The following GRIP1 variants were observed in gnomAD, a reference collection of about 807,000 sequenced individuals.
GRIP1 encodes the protein glutamate receptor interacting protein 1.
GRIP1 carries 45 observed loss-of-function variants against 129.9 expected under a neutral mutation model. That is an observed-to-expected ratio of 0.35 (90% CI 0.27 to 0.44). The LOEUF is 0.44. GRIP1 is among the 20% of genes least tolerant of loss of function. The probability of loss-of-function intolerance (pLI) is 1.00; values close to 1 mark genes in which losing one functional copy is unlikely to be tolerated. For missense variants in GRIP1, 1,196 were observed against 1,396.8 expected (o/e 0.86, Z 2.29); for synonymous variants, 530 against 520.8 (o/e 1.02, Z -0.24).
intron 14 of GRIP1, among the ~76,000 whole-genome samples, chr12:66,429,339 C>G (rs949817257): frequency 6.6e-6 from 1 of 152,140 alleles, no homozygotes. Context: ...CCGTGTGTGT[C>G]TGAGAAGAGG....
At chr12:66,850,074 C>T (rs1330772920) in intron 1 of GRIP1, among the ~76,000 whole-genome samples, 1 of 152,078 alleles carries the variant, frequency 6.6e-6, no homozygotes, top group Admixed American at 6.6e-5. Context: ...CACTTTATAA[C>T]CCAGAGCACA....
At chr12:66,532,069 T>G (rs1347881505) in intron 4 of GRIP1, among the ~76,000 whole-genome samples, 2 of 152,216 alleles carry the variant, frequency 1.3e-5, no homozygotes, top group Admixed American at 6.5e-5. Context: ...CAATCAAATT[T>G]AAAGTCAATA....
intron 1 of GRIP1, among the ~76,000 whole-genome samples, chr12:66,743,584 T>C (rs1022203987): frequency 8.1e-6 from 1 of 124,020 alleles, no homozygotes; most frequent in South Asian, 2.9e-4. Context: ...ATAACGTAAA[T>C]AGGCTTTTTT....
At chr12:66,609,704 T>C (rs1429045932) in intron 1 of GRIP1, among the ~76,000 whole-genome samples, 1 of 152,170 alleles carries the variant, frequency 6.6e-6, no homozygotes, top group Non-Finnish European at 1.5e-5. Context: ...GAAAATGCAA[T>C]TCAATTCCAC....
chr12:66,912,909 T>C (rs1233094310), intron 1 of GRIP1, among the ~76,000 whole-genome samples: 2 of 152,138 alleles, frequency 1.3e-5, no homozygotes, highest in Non-Finnish European at 2.9e-5. Flanking sequence ...TAGATGGAAG[T>C]TACCTCAAGT....
intron 1 of GRIP1, among the ~76,000 whole-genome samples, chr12:66,843,153 C>T (rs11834166): frequency 0.06 from 9,139 of 151,928 alleles, 935 homozygotes; most frequent in African/African-American, 0.21. Context: ...AGTATACTAC[C>T]ATTTCTCAAT....
intron 1 of GRIP1, among the ~76,000 whole-genome samples, chr12:66,897,179 G>T (rs2040764424): frequency 6.6e-6 from 1 of 152,192 alleles, no homozygotes; most frequent in Non-Finnish European, 1.5e-5. Context: ...TGCATGGGAA[G>T]CACTTAGATG....
intron 1 of GRIP1, among the ~76,000 whole-genome samples, chr12:66,943,661 A>C (rs1380665841): frequency 6.6e-6 from 1 of 152,218 alleles, no homozygotes; most frequent in Non-Finnish European, 1.5e-5. Context: ...TGCTTGTGAA[A>C]TTTCATTTGA....
intron 1 of GRIP1, among the ~76,000 whole-genome samples, chr12:66,718,908 G>T (rs895157304): frequency 3.9e-4 from 60 of 152,144 alleles, no homozygotes; most frequent in African/African-American, 1.4e-3. Flanking sequence ...TATAGGAAGA[G>T]TTGTGGTACA....
intron 2 of GRIP1, among the ~76,000 whole-genome samples, chr12:66,573,332 G>C (rs551723097): frequency 5.9e-5 from 9 of 152,228 alleles, no homozygotes; most frequent in African/African-American, 2.2e-4. Context: ...TTGTAGCTCT[G>C]TGAGACCCTA....
Position 66,960,315 on chromosome 12 carries a change from A to T in GRIP1, c.58+108735T>A, listed in dbSNP as rs113270859. Reference sequence around the variant, plus strand: ...GAAGAGGTGAGAGCTGTACATACGGAGAGAAGGGAAGAGATCTGGGGTAGG... The same window carrying T: ...GAAGAGGTGAGAGCTGTACATACGGTGAGAAGGGAAGAGATCTGGGGTAGG... On this transcript the variant is annotated intron_variant, in intron 1 of 1. Transcript: ENST00000643019. Among the ~76,000 whole-genome samples the T allele has an allele frequency of 3.6e-3, 547 of 152,210 alleles. 5 individuals carry two copies. Among genetic ancestry groups the T allele is most frequent in the African/African-American group, 0.013 (528 of 41,536 alleles).
Position 66,450,794 on chromosome 12 carries a change from GAA to G in GRIP1, c.1354+4613_1354+4614del, listed in dbSNP as rs375041731. Among the ~76,000 whole-genome samples the G allele has an allele frequency of 4.5e-3, 676 of 151,866 alleles. 9 individuals are homozygous for G. The highest frequency in any genetic ancestry group is 0.015 in the African/African-American group (635 of 41,414). On this transcript the variant is annotated intron_variant, in intron 11 of 24. Coordinates refer to ENST00000359742, the MANE Select transcript of GRIP1 (RefSeq NM_001366722.1). ...AGTTTTGAAAACTATTACCAGATATGAAAAAGATATATTGTGATTTAAAGATA... is the reference window on the plus strand; with the variant it reads ...AGTTTTGAAAACTATTACCAGATATGAAAGATATATTGTGATTTAAAGATA...
intron 7 of GRIP1, among the ~76,000 whole-genome samples, chr12:66,511,199 T>C (rs1392848458): frequency 6.6e-6 from 1 of 152,140 alleles, no homozygotes; most frequent in Non-Finnish European, 1.5e-5. Context: ...CAAGTTCTCT[T>C]CTCCTGTCTG....
intron 1 of GRIP1, among the ~76,000 whole-genome samples, chr12:67,055,246 C>T (rs890618079): frequency 4.6e-5 from 7 of 152,126 alleles, no homozygotes; most frequent in Non-Finnish European, 8.8e-5. Context: ...GTAGAGAAGG[C>T]GACCCTGGTC....
At chr12:66,869,278 G>A (rs1263947905) in intron 1 of GRIP1, among the ~76,000 whole-genome samples, 1 of 152,128 alleles carries the variant, frequency 6.6e-6, no homozygotes, top group East Asian at 1.9e-4. Flanking sequence ...AAAGGCAACT[G>A]TGGCTTCTGT....
chr12:66,584,460 C>G (rs1373153504), intron 2 of GRIP1, among the ~76,000 whole-genome samples: 1 of 152,118 alleles, frequency 6.6e-6, no homozygotes. Context: ...GTAATCCCAG[C>G]TACTCGGGAG....
chr12:66,813,185 T>C (rs1375725770), intron 1 of GRIP1, among the ~76,000 whole-genome samples: 1 of 152,120 alleles, frequency 6.6e-6, no homozygotes, highest in East Asian at 1.9e-4. Context: ...GAGCTTATGA[T>C]TATGGCAGAA....
intron 1 of GRIP1, among the ~76,000 whole-genome samples, chr12:66,790,443 C>T (rs991637310): frequency 2.6e-5 from 4 of 151,914 alleles, no homozygotes; most frequent in Admixed American, 1.3e-4. Context: ...TAGATCTGTC[C>T]CTTGAAATCC....
intron 2 of GRIP1, among the ~76,000 whole-genome samples, chr12:66,562,612 AAAC>A (rs1183111333): frequency 1.3e-5 from 2 of 152,186 alleles, no homozygotes; most frequent in Non-Finnish European, 2.9e-5. Context: ...TGATTTCTCA[AAAC>A]AACTCTGAGG....
Sources: allele counts gnomAD v4.1 joint callset (sites outside exome capture counted in the v4.1 genomes callset), GRCh38; gene constraint gnomAD v4.1.1; transcripts MANE v1.5; gene names NCBI Gene and HGNC (gene_info 2026-07-23, HGNC 2026-07-21).